The following MBNL1 variants were observed in gnomAD, a reference collection of about 807,000 sequenced individuals.
MBNL1 encodes the protein muscleblind like splicing regulator 1.
Under a neutral mutation model 42.2 loss-of-function variants are expected in MBNL1, and 8 were observed. That is an observed-to-expected ratio of 0.19 (90% CI 0.11 to 0.34). The LOEUF (loss-of-function observed/expected upper bound fraction) is 0.34. Ranked by LOEUF, MBNL1 falls within the 10% of genes least tolerant of loss-of-function variation. MBNL1 has a pLI of 1.00. For synonymous variants in MBNL1, 169 were observed against 173.9 expected (o/e 0.97, Z 0.22); for missense variants, 309 against 495.3 (o/e 0.62, Z 3.57).
intron 1 of MBNL1, among the ~76,000 whole-genome samples, chr3:152,297,599 C>T (rs2059171436): frequency 6.6e-6 from 1 of 152,020 alleles, no homozygotes; most frequent in Admixed American, 6.6e-5. Context: ...CGTGATCTGC[C>T]TGCCTCGGCC....
At chr3:152,332,739 T>TGTGTGTGTGC (rs1256022678) in intron 2 of MBNL1, among the ~76,000 whole-genome samples, 22 of 115,698 alleles carry the variant, frequency 1.9e-4, no homozygotes, top group Non-Finnish European at 3.2e-4. Flanking sequence ...TGTGTGTGTG[T>TGTGTGTGTGC]GCGCGCGCGC....
chr3:152,303,603 A>G (rs1287530404), intron 2 of MBNL1, among the ~76,000 whole-genome samples: 2 of 152,194 alleles, frequency 1.3e-5, no homozygotes, highest in African/African-American at 4.8e-5. Flanking sequence ...TTATATTTCA[A>G]AAATGATGTT....
rs928723531 is a variant in MBNL1 at position 152,464,333 on chromosome 3, A to G, written c.*1967A>G. The stretch of plus-strand genomic sequence containing the variant: ...TTGTTAACTAAATGATTTATATTTT[A>G]CTGATTTAATATTACAGTGTAAGAA... On this transcript the variant is annotated 3_prime_UTR_variant, in exon 10 of 10. Transcript: ENST00000324210. 1.3e-5 allele frequency: 2 copies of G among 152,560 alleles called. No homozygotes were observed. Among genetic ancestry groups the G allele is most frequent in the African/African-American group, 2.4e-5 (1 of 41,450 alleles). 9.5% of individuals were successfully genotyped at this position (152,560 alleles called of 1,614,324 possible). A position where few individuals can be genotyped will look rare whatever the true frequency, so the allele number is the denominator to read the frequency against.
chr3:152,306,264 A>C (rs763763357), intron 2 of MBNL1, among the ~76,000 whole-genome samples: 10 of 151,760 alleles, frequency 6.6e-5, no homozygotes, highest in Non-Finnish European at 1.0e-4. Context: ...CACCTCCCCT[A>C]CCCTCCCCAG....
chr3:152,362,352 G>T (rs894409268), intron 2 of MBNL1, among the ~76,000 whole-genome samples: 1 of 152,162 alleles, frequency 6.6e-6, no homozygotes, highest in Admixed American at 6.5e-5. Context: ...GGTGGTTTGC[G>T]CAGATGTCAA....
At chr3:152,400,057 C>A (rs149146485) in intron 2 of MBNL1, among the ~76,000 whole-genome samples, 2 of 152,118 alleles carry the variant, frequency 1.3e-5, no homozygotes, top group South Asian at 4.2e-4. Flanking sequence ...AGATATTTAA[C>A]CTCTGGGAAC....
At chr3:152,375,793 G>A (rs1480530281) in intron 2 of MBNL1, among the ~76,000 whole-genome samples, 19 of 151,540 alleles carry the variant, frequency 1.3e-4, no homozygotes, top group Non-Finnish European at 2.2e-4. Flanking sequence ...CACTCCAGCC[G>A]GGGTGATGGA....
intron 3 of MBNL1, among the ~76,000 whole-genome samples, chr3:152,428,808 T>G (rs2098969855): frequency 6.6e-6 from 1 of 152,184 alleles, no homozygotes; most frequent in African/African-American, 2.4e-5. Flanking sequence ...GAAAACCACT[T>G]TATCACAACC....
chr3:152,340,439 ATT>A, intron 2 of MBNL1: 1 of 1,301,834 alleles, frequency 7.7e-7, no homozygotes, highest in Non-Finnish European at 1.0e-6. Context: ...GTTCAGTTCC[ATT>A]TTTTTTTTAA....
chr3:152,376,936 T>C (rs2096933189), intron 2 of MBNL1, among the ~76,000 whole-genome samples: 1 of 152,206 alleles, frequency 6.6e-6, no homozygotes, highest in Non-Finnish European at 1.5e-5. Context: ...CTTCCTCTTT[T>C]CCCTTTTGTT....
chr3:152,380,362 T>C (rs541730216), intron 2 of MBNL1, among the ~76,000 whole-genome samples: 1 of 152,114 alleles, frequency 6.6e-6, no homozygotes, highest in African/African-American at 2.4e-5. Context: ...TCTGTTTCCT[T>C]GTATCTAAAC....
At chr3:152,442,085 G>A (rs899432444) in intron 4 of MBNL1, among the ~76,000 whole-genome samples, 7 of 152,056 alleles carry the variant, frequency 4.6e-5, no homozygotes, top group Admixed American at 6.6e-5. Flanking sequence ...GAGCCACCGC[G>A]CCCAGTCAGA....
Position 152,332,692 on chromosome 3 carries a change from T to G in MBNL1, c.174+32325T>G, listed in dbSNP as rs543744161. 1.5e-3 allele frequency among the ~76,000 whole-genome samples: 195 copies of G among 132,980 alleles called. 2 individuals are homozygous for G. The highest frequency in any genetic ancestry group is 3.8e-3 in the African/African-American group (131 of 34,472). 87.2% of individuals were successfully genotyped at this position (132,980 alleles called of 152,430 possible). A position where few individuals can be genotyped will look rare whatever the true frequency, so the allele number is the denominator to read the frequency against. ...TTTTCTCTTTGAAGTTTTCATGGTT[T>G]TGTGTGTGTGTGTGTGTGTGTGTGT... On this transcript the variant is annotated intron_variant, in intron 2 of 9. Transcript: ENST00000324210.
intron 2 of MBNL1, among the ~76,000 whole-genome samples, chr3:152,389,831 A>G (rs997334807): frequency 1.3e-5 from 2 of 152,078 alleles, no homozygotes; most frequent in Non-Finnish European, 2.9e-5. Flanking sequence ...TACTAAATGT[A>G]TATGTTTTGT....
chr3:152,368,357 T>G (rs537154266), intron 2 of MBNL1, among the ~76,000 whole-genome samples: 3 of 152,140 alleles, frequency 2.0e-5, no homozygotes, highest in Non-Finnish European at 4.4e-5. Context: ...TCTGTTCTGT[T>G]CCATTGGTCT....
intron 2 of MBNL1, among the ~76,000 whole-genome samples, chr3:152,253,695 C>T (rs1010508817): frequency 6.6e-6 from 1 of 152,086 alleles, no homozygotes; most frequent in Non-Finnish European, 1.5e-5. Context: ...GAGCTCATTC[C>T]TGACTCAGGG....
intron 3 of MBNL1, among the ~76,000 whole-genome samples, chr3:152,430,873 C>T (rs2098997885): frequency 6.6e-6 from 1 of 152,176 alleles, no homozygotes; most frequent in South Asian, 2.1e-4. Context: ...CTTGAGGGCA[C>T]TTCATCAGGC....
intron 1 of MBNL1, among the ~76,000 whole-genome samples, chr3:152,288,618 C>T (rs886200542): frequency 6.6e-6 from 1 of 151,912 alleles, no homozygotes; most frequent in African/African-American, 2.4e-5. Flanking sequence ...ATAGTGTTGT[C>T]AGAGATTTCC....
intron 2 of MBNL1, among the ~76,000 whole-genome samples, chr3:152,365,777 A>T (rs866207338): frequency 6.6e-6 from 1 of 152,174 alleles, no homozygotes; most frequent in African/African-American, 2.4e-5. Flanking sequence ...CTGAAAGTGT[A>T]TGAAATGTTT....
Sources: gnomAD v4.1 joint callset for allele counts (sites outside exome capture counted in the v4.1 genomes callset) on GRCh38, gnomAD v4.1.1 for gene constraint, MANE v1.5 for transcripts, NCBI Gene and HGNC (gene_info 2026-07-23, HGNC 2026-07-21) for gene names.